The following ZNF423 variants were observed in gnomAD, a reference collection of about 807,000 sequenced individuals.
ZNF423 encodes Ebf-associated zinc finger protein.
In ZNF423, 12 loss-of-function variants were observed where a neutral mutation model predicts 95.8. That is an observed-to-expected ratio of 0.13 (90% CI 0.08 to 0.20). The LOEUF is 0.20. Among genes scored for constraint, ZNF423 ranks in the 10% least tolerant of loss-of-function variants. The probability of loss-of-function intolerance (pLI) is 1.00; values close to 1 mark genes in which losing one functional copy is unlikely to be tolerated. For missense variants in ZNF423, 1,316 were observed against 1,737.1 expected, an observed-to-expected ratio of 0.76 and a Z score of 4.31; for synonymous variants, 749 against 711.9, an observed-to-expected ratio of 1.05 and a Z score of -0.83.
chr16:49,558,843 T>C (rs571806005), intron 5 of ZNF423, among the ~76,000 whole-genome samples: 1 of 152,348 alleles, frequency 6.6e-6, no homozygotes, highest in East Asian at 1.9e-4. Flanking sequence ...CTTTCCTGAA[T>C]AGTCTTGGCA....
chr16:49,846,351 G>A (rs973968857), intron 1 of ZNF423, among the ~76,000 whole-genome samples: 3 of 149,964 alleles, frequency 2.0e-5, no homozygotes, highest in Non-Finnish European at 3.0e-5. Context: ...GGTAGTGAGC[G>A]CCCTGCGAGT....
intron 1 of ZNF423, among the ~76,000 whole-genome samples, chr16:49,800,516 T>C (rs1477289683): frequency 6.6e-6 from 1 of 151,790 alleles, no homozygotes; most frequent in Non-Finnish European, 1.5e-5. Flanking sequence ...ACAGCGAGGG[T>C]TAAAATCTTG....
At chr16:49,519,775 C>T (rs1968313748) in intron 7 of ZNF423, among the ~76,000 whole-genome samples, 1 of 152,208 alleles carries the variant, frequency 6.6e-6, no homozygotes. Flanking sequence ...GGTTTCCCAT[C>T]ATGATGGAGA....
intron 3 of ZNF423, among the ~76,000 whole-genome samples, chr16:49,724,381 G>A (rs1229777994): frequency 6.6e-6 from 1 of 152,170 alleles, no homozygotes; most frequent in African/African-American, 2.4e-5. Flanking sequence ...AGCCTTTTGC[G>A]CCATGTGAAG....
Position 49,620,600 on chromosome 16 carries a change from G to A in ZNF423, c.3601+5570C>T, listed in dbSNP as rs976305317. Among the ~76,000 whole-genome samples, 8 of 152,162 alleles carry A rather than the reference G, an allele frequency of 5.3e-5. No individual in the cohort carries two copies. In the East Asian group the frequency reaches 5.8e-4, roughly 11 times the overall value. On this transcript the variant is annotated intron_variant, in intron 5 of 7. Transcript: ENST00000563137. ...CTTTCCAAGGACAGCAAGGGCAAGC[G>A]TTCCTGACAAGATTCCCTGAGGACC...
chr16:49,503,348 C>A (rs1967505782), intron 7 of ZNF423, among the ~76,000 whole-genome samples: 1 of 152,158 alleles, frequency 6.6e-6, no homozygotes, highest in African/African-American at 2.4e-5. Flanking sequence ...GCTTTTTAAA[C>A]TCCCTGGCGG....
intron 3 of ZNF423, among the ~76,000 whole-genome samples, chr16:49,677,228 AAAGAG>A (rs1296513369): frequency 1.8e-5 from 1 of 57,100 alleles, no homozygotes; most frequent in Admixed American, 2.8e-4. Flanking sequence ...AGAAACAAGA[AAAGAG>A]AAGAGAAGAG....
At chr16:49,596,153 C>G (rs565553022) in intron 5 of ZNF423, among the ~76,000 whole-genome samples, 3 of 152,094 alleles carry the variant, frequency 2.0e-5, no homozygotes, top group Admixed American at 6.5e-5. Flanking sequence ...ATGTTCTTTA[C>G]GGCATGCTTT....
At chr16:49,856,685 G>C (rs1232759817), upstream of ZNF423, among the ~76,000 whole-genome samples, 1 of 149,122 alleles carries the variant, frequency 6.7e-6, no homozygotes, top group Non-Finnish European at 1.5e-5. Flanking sequence ...GAGGAGGAAG[G>C]GGCGCGCGGG....
chr16:49,828,557 A>G (rs1449074642), intron 1 of ZNF423, among the ~76,000 whole-genome samples: 1 of 152,260 alleles, frequency 6.6e-6, no homozygotes, highest in Admixed American at 6.5e-5. Flanking sequence ...GGGCCTAGAA[A>G]AGACTCCGCC....
At chr16:49,756,805 G>A (rs1204430450) in intron 2 of ZNF423, among the ~76,000 whole-genome samples, 2 of 152,220 alleles carry the variant, frequency 1.3e-5, no homozygotes, top group African/African-American at 2.4e-5. Context: ...GGACACTTGT[G>A]AGCACCCCTG....
intron 1 of ZNF423, among the ~76,000 whole-genome samples, chr16:49,816,635 T>G (rs1178294340): frequency 6.6e-6 from 1 of 152,024 alleles, no homozygotes; most frequent in Non-Finnish European, 1.5e-5. Context: ...AATTTAAAAA[T>G]TAGCCAGGCA....
At position 49,855,174 on chromosome 16, in the gene ZNF423, G is replaced by GGCTCCCGGGGCGCTCGCCGACA. The variant is rs1567373460; in HGVS notation, c.40+560_40+561insTGTCGGCGAGCGCCCCGGGAGC. On this transcript the variant is annotated intron_variant, in intron 1 of 7. Coordinates refer to ENST00000563137, the MANE Select transcript of ZNF423 (RefSeq NM_001379286.1). The surrounding 1 kb of genome is among the most constrained non-coding windows in gnomAD (Gnocchi z 4.7). Reference sequence around the variant, plus strand: ...CGCCAGGCGGCCGGGGCGAGGGCGCGGCGCCCGGGGCGCTCGCCGACAGCG... The same window carrying GGCTCCCGGGGCGCTCGCCGACA: ...CGCCAGGCGGCCGGGGCGAGGGCGCGGCTCCCGGGGCGCTCGCCGACAGCGCCCGGGGCGCTCGCCGACAGCG... 2.7e-5 allele frequency among the ~76,000 whole-genome samples: 4 copies of GGCTCCCGGGGCGCTCGCCGACA among 148,434 alleles called. No individual in the cohort carries two copies.
intron 2 of ZNF423, among the ~76,000 whole-genome samples, chr16:49,741,355 A>C (rs1204962409): frequency 6.6e-6 from 1 of 152,076 alleles, no homozygotes; most frequent in Non-Finnish European, 1.5e-5. Flanking sequence ...AAAAAATAAA[A>C]AATTAGCCGG....
chr16:49,507,216 GC>G (rs1967682301), intron 7 of ZNF423, among the ~76,000 whole-genome samples: 1 of 152,182 alleles, frequency 6.6e-6, no homozygotes, highest in East Asian at 1.9e-4. Context: ...CATGTAAAAT[GC>G]TGTATGGACA....
At position 49,793,136 on chromosome 16, in the gene ZNF423, C is replaced by A. The variant is rs141245967; in HGVS notation, c.41-3590G>T. Among the ~76,000 whole-genome samples, 404 of 152,114 alleles carry A rather than the reference C, an allele frequency of 2.7e-3. 1 individual carries two copies. In the Middle Eastern group the frequency reaches 0.031, roughly 12 times the overall value. On this transcript the variant is annotated intron_variant, in intron 1 of 7. Coordinates refer to ENST00000563137, the MANE Select transcript of ZNF423 (RefSeq NM_001379286.1). ...CCACCCCCATAAGGCCCTGTGCTAC[C>A]CAGCAATGAGTGTGAGGTTTTTTTC...
intron 2 of ZNF423, among the ~76,000 whole-genome samples, chr16:49,734,872 A>C (rs1022668314): frequency 1.3e-5 from 2 of 152,234 alleles, no homozygotes; most frequent in Non-Finnish European, 2.9e-5. Flanking sequence ...AATCAAGTGC[A>C]GGCACCTTAT....
At chr16:49,542,225 G>A (rs1387482809) in intron 5 of ZNF423, among the ~76,000 whole-genome samples, 1 of 151,948 alleles carries the variant, frequency 6.6e-6, no homozygotes, top group Admixed American at 6.6e-5. Context: ...GGTCCCTGCT[G>A]GGTCTCTGCC....
chr16:49,712,606 T>C (rs527929770), intron 3 of ZNF423, among the ~76,000 whole-genome samples: 12 of 152,346 alleles, frequency 7.9e-5, no homozygotes, highest in African/African-American at 1.7e-4. Context: ...CTCAAGCTTC[T>C]AATTCCACCT....
Sources: allele counts gnomAD v4.1 joint callset (sites outside exome capture counted in the v4.1 genomes callset), GRCh38; gene constraint gnomAD v4.1.1; non-coding constraint Gnocchi (gnomAD v3.1); transcripts MANE v1.5; gene names NCBI Gene and HGNC (gene_info 2026-07-23, HGNC 2026-07-21).